The following CFAP299 variants were observed in gnomAD, a reference collection of about 807,000 sequenced individuals.
The protein encoded by CFAP299 is cilia and flagella associated protein 299.
A neutral mutation model predicts 27.0 loss-of-function variants in CFAP299; 21 were observed. That is an observed-to-expected ratio of 0.78 (90% CI 0.55 to 1.12). CFAP299 has a LOEUF of 1.12. CFAP299 is among the 50% of genes most tolerant of loss of function. The pLI is 0.00. For missense variants in CFAP299, 310 were observed against 276.6 expected, an observed-to-expected ratio of 1.12 and a Z score of -0.86; for synonymous variants, 104 against 98.1, an observed-to-expected ratio of 1.06 and a Z score of -0.36.
Position 80,566,255 on chromosome 4 carries a change from A to T in CFAP299, c.243-16838A>T, listed in dbSNP as rs1022866203. ...GTAATAAAAGGCATATACAGAGGGT[A>T]TCATGCAATAAGCCTTTCTAATAGT... On this transcript the variant is annotated intron_variant, in intron 2 of 5. Transcript: ENST00000358105. 3.3e-5 allele frequency among the ~76,000 whole-genome samples: 5 copies of T among 152,124 alleles called. No homozygotes were observed. The East Asian group carries it at 9.7e-4, about 29-fold the overall frequency.
At chr4:80,457,893 T>C (rs1729245020) in intron 2 of CFAP299, among the ~76,000 whole-genome samples, 1 of 152,232 alleles carries the variant, frequency 6.6e-6, no homozygotes, top group African/African-American at 2.4e-5. Flanking sequence ...ACGTTACTTC[T>C]GCATTTTCCA....
intron 3 of CFAP299, among the ~76,000 whole-genome samples, chr4:80,650,950 A>G (rs1004209289): frequency 6.6e-6 from 1 of 151,968 alleles, no homozygotes; most frequent in Non-Finnish European, 1.5e-5. Context: ...AATTTCACAA[A>G]TCACTACTAA....
intron 3 of CFAP299, among the ~76,000 whole-genome samples, chr4:80,795,471 G>C (rs1727802337): frequency 6.6e-6 from 1 of 152,036 alleles, no homozygotes. Context: ...CCTGCATATT[G>C]TGCAGAACCA....
chr4:80,723,503 A>C (rs1177691449), intron 3 of CFAP299, among the ~76,000 whole-genome samples: 1 of 152,152 alleles, frequency 6.6e-6, no homozygotes, highest in African/African-American at 2.4e-5. Flanking sequence ...AATAATATAA[A>C]ATTCTAAAAA....
At chr4:80,546,199 C>T (rs867783872) in intron 2 of CFAP299, among the ~76,000 whole-genome samples, 1 of 152,090 alleles carries the variant, frequency 6.6e-6, no homozygotes, top group African/African-American at 2.4e-5. Context: ...GACAAGGATG[C>T]CTACTCTCAC....
At chr4:80,726,738 T>C (rs1723187124) in intron 3 of CFAP299, among the ~76,000 whole-genome samples, 1 of 152,228 alleles carries the variant, frequency 6.6e-6, no homozygotes, top group Non-Finnish European at 1.5e-5. Flanking sequence ...GGACTGACTG[T>C]TCTACTCACC....
At chr4:80,907,499 T>C (rs1047490288) in intron 4 of CFAP299, among the ~76,000 whole-genome samples, 2 of 152,166 alleles carry the variant, frequency 1.3e-5, no homozygotes, top group African/African-American at 4.8e-5. Context: ...GGGTGATTTA[T>C]AAAGGATAGG....
At chr4:80,670,925 C>T (rs1445298950) in intron 3 of CFAP299, among the ~76,000 whole-genome samples, 2 of 152,054 alleles carry the variant, frequency 1.3e-5, no homozygotes, top group South Asian at 2.1e-4. Flanking sequence ...AAAATTTTCT[C>T]CCATTCTATA....
chr4:80,887,746 A>C (rs1406739127), intron 4 of CFAP299, among the ~76,000 whole-genome samples: 1 of 152,140 alleles, frequency 6.6e-6, no homozygotes, highest in Non-Finnish European at 1.5e-5. Flanking sequence ...TTATGAACTA[A>C]TTAACCATGA....
chr4:80,507,136 C>T (rs181909037), intron 2 of CFAP299, among the ~76,000 whole-genome samples: 5 of 152,198 alleles, frequency 3.3e-5, no homozygotes, highest in Admixed American at 2.0e-4. Context: ...TATGGCTGCT[C>T]ATACTCTCAT....
chr4:80,363,814 C>T (rs1723670684), intron 2 of CFAP299, among the ~76,000 whole-genome samples: 1 of 151,986 alleles, frequency 6.6e-6, no homozygotes, highest in Non-Finnish European at 1.5e-5. Context: ...TCTGGCCAGG[C>T]GTGGTGGCTC....
intron 3 of CFAP299, among the ~76,000 whole-genome samples, chr4:80,776,065 G>C (rs1444347735): frequency 6.6e-6 from 1 of 151,996 alleles, no homozygotes. Flanking sequence ...AAGCACTCTT[G>C]CCAACTCTAA....
intron 2 of CFAP299, among the ~76,000 whole-genome samples, chr4:80,450,005 A>G (rs1016328224): frequency 2.6e-5 from 4 of 152,154 alleles, no homozygotes; most frequent in Non-Finnish European, 5.9e-5. Flanking sequence ...TCCTCTGCCT[A>G]AGTGTCCTAT....
chr4:80,736,346 C>A (rs976449077), intron 3 of CFAP299, among the ~76,000 whole-genome samples: 1 of 152,050 alleles, frequency 6.6e-6, no homozygotes, highest in Non-Finnish European at 1.5e-5. Flanking sequence ...GGAATCCTTT[C>A]CCCATTGCTT....
At chr4:80,739,773 C>A (rs1437325809) in intron 3 of CFAP299, among the ~76,000 whole-genome samples, 2 of 151,852 alleles carry the variant, frequency 1.3e-5, no homozygotes, top group Admixed American at 1.3e-4. Flanking sequence ...AAACTTTCTA[C>A]CCCTATCTCT....
chr4:80,877,355 G>A (rs920351648), intron 4 of CFAP299, among the ~76,000 whole-genome samples: 2 of 152,150 alleles, frequency 1.3e-5, no homozygotes, highest in Non-Finnish European at 2.9e-5. Context: ...GCCATATACT[G>A]TGCATATAAC....
chr4:80,905,270 T>C (rs1560470927), intron 4 of CFAP299, among the ~76,000 whole-genome samples: 1 of 152,182 alleles, frequency 6.6e-6, no homozygotes, highest in East Asian at 1.9e-4. Context: ...TCCATCAAGT[T>C]AATGGTCAAT....
intron 3 of CFAP299, among the ~76,000 whole-genome samples, chr4:80,724,761 C>T (rs1346122621): frequency 6.6e-6 from 1 of 152,038 alleles, no homozygotes; most frequent in East Asian, 1.9e-4. Context: ...ATGAATATTT[C>T]TTCTGTTATT....
intron 2 of CFAP299, among the ~76,000 whole-genome samples, chr4:80,581,213 T>C (rs536753142): frequency 6.6e-6 from 1 of 151,772 alleles, no homozygotes; most frequent in African/African-American, 2.4e-5. Context: ...CTGTGAGCAG[T>C]AGAAAATATG....
Sources: allele counts gnomAD v4.1 joint callset (sites outside exome capture counted in the v4.1 genomes callset), GRCh38; gene constraint gnomAD v4.1.1; transcripts MANE v1.5; gene names NCBI Gene and HGNC (gene_info 2026-07-23, HGNC 2026-07-21).